SGCD: variants seen among roughly 807,000 people sequenced by gnomAD.
SGCD encodes the protein sarcoglycan delta, also known as delta-sarcoglycan.
In SGCD, 18 loss-of-function variants were observed where a neutral mutation model predicts 36.6. That is an observed-to-expected ratio of 0.49 (90% confidence interval 0.34 to 0.73). The LOEUF (loss-of-function observed/expected upper bound fraction) is 0.73. Among genes scored for constraint, SGCD ranks in the 30% least tolerant of loss-of-function variants. The probability of loss-of-function intolerance (pLI) is 0.01; values close to 1 mark genes in which losing one functional copy is unlikely to be tolerated. For synonymous variants in SGCD, 133 were observed against 130.6 expected, an observed-to-expected ratio of 1.02 and a Z score of -0.12; for missense variants, 387 against 346.7, an observed-to-expected ratio of 1.12 and a Z score of -0.92.
At chr5:155,736,567 C>T in the SGCD span, among the ~76,000 whole-genome samples, 9 of 152,122 alleles carry the variant, frequency 5.9e-5, no homozygotes, top group African/African-American at 1.9e-4. Context: ...TTTCTATGGT[C>T]CTTTATTGAA....
intron 1 of SGCD, among the ~76,000 whole-genome samples, chr5:155,966,042 A>T (rs1757897103): frequency 6.6e-6 from 1 of 152,106 alleles, no homozygotes; most frequent in Non-Finnish European, 1.5e-5. Flanking sequence ...AATCATCATT[A>T]AAAGGTTACA....
intron 3 of SGCD, among the ~76,000 whole-genome samples, chr5:156,271,214 G>A (rs1185192888): frequency 6.6e-6 from 1 of 152,176 alleles, no homozygotes; most frequent in African/African-American, 2.4e-5. Context: ...TCAAGGGTGG[G>A]AAGTTTAAAT....
At chr5:155,874,952 G>A (rs2113282574) in intron 1 of SGCD, among the ~76,000 whole-genome samples, 1 of 152,146 alleles carries the variant, frequency 6.6e-6, no homozygotes, top group East Asian at 1.9e-4. Context: ...CCACATAAAA[G>A]AACTGTAGAT....
At chr5:156,377,317 T>C (rs1770723215) in intron 3 of SGCD, among the ~76,000 whole-genome samples, 1 of 152,212 alleles carries the variant, frequency 6.6e-6, no homozygotes, top group Admixed American at 6.5e-5. Flanking sequence ...AAATTTGATA[T>C]GTTAATGGAT....
intron 3 of SGCD, among the ~76,000 whole-genome samples, chr5:156,249,784 T>C (rs1372116224): frequency 1.3e-5 from 2 of 152,090 alleles, no homozygotes; most frequent in Non-Finnish European, 2.9e-5. Flanking sequence ...ATCAACTGTA[T>C]ATATAATGTA....
chr5:156,501,394 G>T (rs1353949120), intron 3 of SGCD, among the ~76,000 whole-genome samples: 1 of 152,232 alleles, frequency 6.6e-6, no homozygotes, highest in Non-Finnish European at 1.5e-5. Flanking sequence ...GTCAGGGGAA[G>T]GAGACAAGAG....
At chr5:156,288,688 C>T (rs952910723) in intron 3 of SGCD, among the ~76,000 whole-genome samples, 3 of 152,068 alleles carry the variant, frequency 2.0e-5, no homozygotes, top group Non-Finnish European at 4.4e-5. Context: ...CAAATTTGGG[C>T]TTTTAAATAA....
intron 1 of SGCD, among the ~76,000 whole-genome samples, chr5:155,967,837 A>C (rs917789609): frequency 6.6e-6 from 1 of 152,080 alleles, no homozygotes; most frequent in African/African-American, 2.4e-5. Flanking sequence ...ACCAGAAGCC[A>C]CAGAGACACC....
chr5:156,727,719 A>G (rs935439626), intron 7 of SGCD, among the ~76,000 whole-genome samples: 1 of 152,192 alleles, frequency 6.6e-6, no homozygotes, highest in South Asian at 2.1e-4. Context: ...AATAATGCCA[A>G]TATTACATGA....
At chr5:155,928,921 C>T (rs899965574) in intron 1 of SGCD, among the ~76,000 whole-genome samples, 2 of 152,022 alleles carry the variant, frequency 1.3e-5, no homozygotes, top group South Asian at 2.1e-4. Context: ...TTTGAGACTA[C>T]GTTAGGGGGT....
intron 1 of SGCD, among the ~76,000 whole-genome samples, chr5:156,003,737 G>C (rs1758706383): frequency 6.6e-6 from 1 of 152,090 alleles, no homozygotes. Context: ...ATGTGACTAA[G>C]GATAAGCTAG....
intron 1 of SGCD, among the ~76,000 whole-genome samples, chr5:155,998,470 T>C (rs1157057164): frequency 1.3e-5 from 2 of 152,234 alleles, no homozygotes; most frequent in African/African-American, 4.8e-5. Context: ...AGGGTAATTT[T>C]CCCTTCTTCC....
At chr5:156,323,611 G>T (rs367822257), upstream of SGCD, among the ~76,000 whole-genome samples, 82 of 152,324 alleles carry the variant, frequency 5.4e-4, 4 homozygotes, top group South Asian at 0.016. Flanking sequence ...TTCAAGTGAA[G>T]ATTGAAGTTT....
chr5:156,073,616 C>A (rs750483691), intron 1 of SGCD, among the ~76,000 whole-genome samples: 5 of 152,118 alleles, frequency 3.3e-5, no homozygotes, highest in Non-Finnish European at 7.4e-5. Context: ...ATTTTCTATT[C>A]GTGTACAGAG....
intron 3 of SGCD, among the ~76,000 whole-genome samples, chr5:156,479,409 C>T (rs1755331232): frequency 6.6e-6 from 1 of 152,116 alleles, no homozygotes; most frequent in Non-Finnish European, 1.5e-5. Context: ...TTTCAAGATT[C>T]TTATCAAAGA....
chr5:156,447,609 A>T (rs1753802174), intron 3 of SGCD, among the ~76,000 whole-genome samples: 1 of 152,188 alleles, frequency 6.6e-6, no homozygotes, highest in South Asian at 2.1e-4. Context: ...CAACAAGAAC[A>T]CATGGACACA....
At chr5:156,231,869 C>A (rs1334029693) in intron 3 of SGCD, among the ~76,000 whole-genome samples, 1 of 152,184 alleles carries the variant, frequency 6.6e-6, no homozygotes, top group African/African-American at 2.4e-5. Flanking sequence ...AGTTATACTT[C>A]ACATGGATCT....
intron 1 of SGCD, among the ~76,000 whole-genome samples, chr5:155,992,330 G>C (rs531343738): frequency 6.6e-6 from 1 of 152,058 alleles, no homozygotes; most frequent in Non-Finnish European, 1.5e-5. Context: ...GGAAGGTCAG[G>C]GTACATGTTT....
chr5:156,444,113 T>TCTCTCC (rs1753644870), intron 3 of SGCD, among the ~76,000 whole-genome samples: 4 of 80,642 alleles, frequency 5.0e-5, no homozygotes, highest in South Asian at 4.3e-4. Context: ...TCTCTCTCTC[T>TCTCTCC]CTCCCCTTCC....
Sources: gnomAD v4.1 joint callset for allele counts (sites outside exome capture counted in the v4.1 genomes callset) on GRCh38, gnomAD v4.1.1 for gene constraint, MANE v1.5 for transcripts, NCBI Gene and HGNC (gene_info 2026-07-23, HGNC 2026-07-21) for gene names.